Variants in CNGA1 observed in about 807,000 individuals in gnomAD.
CNGA1 encodes cyclic nucleotide-gated channel alpha-1.
In CNGA1, 53 loss-of-function variants were observed where a neutral mutation model predicts 69.7. The observed-to-expected ratio is 0.76, with a 90% confidence interval of 0.61 to 0.96. CNGA1 has a LOEUF of 0.96. Ranked by LOEUF, CNGA1 falls within the 40% of genes least tolerant of loss-of-function variation. The pLI, the probability that CNGA1 is intolerant of heterozygous loss-of-function variation, is 0.00. For missense variants in CNGA1, 739 were observed against 811.2 expected (o/e 0.91, Z 1.08); for synonymous variants, 249 against 283.5 (o/e 0.88, Z 1.22).
At chr4:47,995,818 C>A (rs111517967) in intron 2 of CNGA1, among the ~76,000 whole-genome samples, 100 of 152,244 alleles carry the variant, frequency 6.6e-4, no homozygotes, top group African/African-American at 2.3e-3. Flanking sequence ...TGTTCAGATT[C>A]TTTTGCCCCA....
intron 3 of CNGA1, among the ~76,000 whole-genome samples, chr4:47,968,271 C>G (rs903315180): frequency 6.6e-6 from 1 of 152,048 alleles, no homozygotes; most frequent in African/African-American, 2.4e-5. Context: ...TGTACAATGT[C>G]ATAAGAAAAA....
intron 2 of CNGA1, among the ~76,000 whole-genome samples, chr4:47,981,902 C>T (rs975103493): frequency 6.6e-6 from 1 of 152,072 alleles, no homozygotes; most frequent in Non-Finnish European, 1.5e-5. Flanking sequence ...AAATACAGTG[C>T]CATGATATTA....
At chr4:47,960,697 T>G (rs189870086) in intron 3 of CNGA1, among the ~76,000 whole-genome samples, 164 of 140,536 alleles carry the variant, frequency 1.2e-3, no homozygotes, top group Admixed American at 3.6e-3. Context: ...AATAGAGGAA[T>G]GGATAAACAA....
intron 2 of CNGA1, among the ~76,000 whole-genome samples, chr4:47,986,561 A>C (rs892572743): frequency 6.6e-6 from 1 of 152,082 alleles, no homozygotes; most frequent in Non-Finnish European, 1.5e-5. Flanking sequence ...ATGTGTGTAG[A>C]GTGTTTAACA....
At chr4:47,951,975 T>G (rs1037019112) in intron 4 of CNGA1, among the ~76,000 whole-genome samples, 3 of 152,234 alleles carry the variant, frequency 2.0e-5, no homozygotes, top group Admixed American at 6.5e-5. Flanking sequence ...CTCTTTAGAT[T>G]CAAAATGTCA....
chr4:47,984,661 T>TACAC (rs1181982176), intron 2 of CNGA1, among the ~76,000 whole-genome samples: 13 of 97,010 alleles, frequency 1.3e-4, no homozygotes, highest in Admixed American at 9.7e-4. Flanking sequence ...TATATATATA[T>TACAC]ATACACACAC....
chr4:48,011,851 TAAGATA>T (rs1715181366), intron 1 of CNGA1, among the ~76,000 whole-genome samples: 1 of 152,188 alleles, frequency 6.6e-6, no homozygotes, highest in Admixed American at 6.5e-5. Context: ...ATGTTCGGAT[TAAGATA>T]AAGATTGTGG....
chr4:48,002,698 AACAAAAAC>A (rs1299242964), intron 2 of CNGA1, among the ~76,000 whole-genome samples: 3 of 139,618 alleles, frequency 2.1e-5, no homozygotes, highest in African/African-American at 7.6e-5. Context: ...AAAAAAAAAA[AACAAAAAC>A]AAAAAACCCT....
At chr4:47,960,105 AATC>A (rs1323028275) in intron 3 of CNGA1, among the ~76,000 whole-genome samples, 1 of 152,208 alleles carries the variant, frequency 6.6e-6, no homozygotes, top group Non-Finnish European at 1.5e-5. Flanking sequence ...TATAAACAAA[AATC>A]ATCAACAAAT....
chr4:47,991,353 T>G (rs1443822677), intron 2 of CNGA1, among the ~76,000 whole-genome samples: 14 of 152,176 alleles, frequency 9.2e-5, no homozygotes, highest in Admixed American at 9.2e-4. Context: ...TGGCCATTCT[T>G]GCAGGAGTAA....
At position 47,937,287 on chromosome 4, in the gene CNGA1, T is replaced by C. The variant is rs777818344; in HGVS notation, c.1195A>G (p.Met399Val). Reference sequence around the variant, plus strand: ...TGAAATTCTGCTCTGGCTGCATTCATGTTGGAAATCATAGAACCTATGTTA... The same window carrying C: ...TGAAATTCTGCTCTGGCTGCATTCACGTTGGAAATCATAGAACCTATGTTA... ...VGNIGSMISN[M>V]NAARAEFQAR... The change falls in exon 11 of 11, where the codon ATG (methionine) becomes GTG (valine). Residue 399 changes from methionine to valine, a missense_variant. Met to Val is a conservative substitution (Grantham distance 21). Coordinates refer to ENST00000514170, the MANE Select transcript of CNGA1 (RefSeq NM_001379270.1). 4 of 1,613,934 alleles carry C rather than the reference T, an allele frequency of 2.5e-6. No homozygotes were observed. The Admixed American group carries it at 6.7e-5, about 27-fold the overall frequency.
chr4:48,000,742 G>T (rs557685100), intron 2 of CNGA1, among the ~76,000 whole-genome samples: 5 of 6,902 alleles, frequency 7.2e-4, no homozygotes, highest in Non-Finnish European at 1.6e-3. Flanking sequence ...TGGGGGAAGC[G>T]GGGGGGTGGG....
rs145332355 is a variant in CNGA1, at chr4:47,969,509, G to A, written c.-15+11884C>T. Among the ~76,000 whole-genome samples, 488 of 151,668 alleles carry A rather than the reference G, an allele frequency of 3.2e-3. 6 individuals carry two copies. The highest frequency in any genetic ancestry group is 0.011 in the African/African-American group (469 of 41,304). ...TTTTTAGATGGAGTCTTGCTCTGTC[G>A]CCCAGGCTGGAGTTCAGTGGCACAA... On this transcript the variant is annotated intron_variant, in intron 3 of 10. Transcript: ENST00000514170.
intron 2 of CNGA1, among the ~76,000 whole-genome samples, chr4:47,983,640 G>A (rs1560305268): frequency 6.6e-6 from 1 of 151,726 alleles, no homozygotes; most frequent in African/African-American, 2.4e-5. Flanking sequence ...AAGAAAAAGA[G>A]AATAAGCCCC....
chr4:47,975,711 A>C (rs1741312726), intron 3 of CNGA1, among the ~76,000 whole-genome samples: 1 of 152,154 alleles, frequency 6.6e-6, no homozygotes, highest in Non-Finnish European at 1.5e-5. Flanking sequence ...AGTTATTAGA[A>C]CTATAAAGTC....
intron 2 of CNGA1, among the ~76,000 whole-genome samples, chr4:47,991,953 C>T (rs1742288925): frequency 6.6e-6 from 1 of 152,000 alleles, no homozygotes; most frequent in Non-Finnish European, 1.5e-5. Context: ...TTTTTGTTTG[C>T]TTTGTTGAAG....
intron 10 of CNGA1, among the ~76,000 whole-genome samples, chr4:47,940,039 C>T (rs1470740197): frequency 6.6e-6 from 1 of 152,196 alleles, no homozygotes; most frequent in African/African-American, 2.4e-5. Flanking sequence ...CCCTCCTATG[C>T]TGTTACCATG....
chr4:47,941,940 G>T, intron 9 of CNGA1, 101 bp downstream of exon 9: 1 of 706,550 alleles, frequency 1.4e-6, no homozygotes, highest in South Asian at 1.6e-5. Context: ...GAGAAAGGAG[G>T]TGTGTCCTAA....
intron 3 of CNGA1, among the ~76,000 whole-genome samples, chr4:47,962,074 G>A (rs777232800): frequency 5.3e-5 from 8 of 152,066 alleles, no homozygotes; most frequent in African/African-American, 7.2e-5. Context: ...GGCCGGGCGC[G>A]GTGGCTCGTG....
Sources: gnomAD v4.1 joint callset for allele counts (sites outside exome capture counted in the v4.1 genomes callset) on GRCh38, gnomAD v4.1.1 for gene constraint, MANE v1.5 for transcripts, NCBI Gene and HGNC (gene_info 2026-07-23, HGNC 2026-07-21) for gene names.